ZZZ3: variants seen among roughly 807,000 people sequenced by gnomAD.
ZZZ3 encodes the protein zinc finger ZZ-type containing 3.
In ZZZ3, 22 loss-of-function variants were observed where a neutral mutation model predicts 95.2. That is an observed-to-expected ratio of 0.23 (90% CI 0.17 to 0.33). The LOEUF (loss-of-function observed/expected upper bound fraction) is 0.33. Ranked by LOEUF, ZZZ3 falls within the 10% of genes least tolerant of loss-of-function variation. The pLI, the probability that ZZZ3 is intolerant of heterozygous loss-of-function variation, is 1.00. For missense variants in ZZZ3, 885 were observed against 1,066.5 expected (o/e 0.83, Z 2.37); for synonymous variants, 335 against 358.9 (o/e 0.93, Z 0.75).
chr1:77,627,797 G>A (rs1372639898), intron 5 of ZZZ3, among the ~76,000 whole-genome samples: 1 of 152,146 alleles, frequency 6.6e-6, no homozygotes, highest in Non-Finnish European at 1.5e-5. Context: ...GTTAATCTTT[G>A]TAAGAGCTCA....
At chr1:77,654,185 C>CA (rs749067016) in intron 1 of ZZZ3, among the ~76,000 whole-genome samples, 2,089 of 64,850 alleles carry the variant, frequency 0.032, 66 homozygotes, top group East Asian at 0.12. Context: ...GACTCCATCT[C>CA]AAAAAAAAAA....
chr1:77,564,410 G>A lies in ZZZ3; in HGVS notation c.*1230C>T, dbSNP rs1293068026. The A allele has an allele frequency of 6.6e-6, 1 of 151,868 alleles. No homozygotes were observed. Among genetic ancestry groups the A allele is most frequent in the East Asian group, 1.9e-4 (1 of 5,178 alleles). 9.4% of individuals were successfully genotyped at this position (151,868 alleles called of 1,614,324 possible). On this transcript the variant is annotated 3_prime_UTR_variant, in exon 15 of 15. Transcript: ENST00000370801. ...GAAAGAAAACTCTTAAATATGTGAA[G>A]CAAACCATTTTAAAAAATACCAATT...
chr1:77,647,523 A>AG (rs1391616170), intron 1 of ZZZ3, among the ~76,000 whole-genome samples: 11 of 151,374 alleles, frequency 7.3e-5, no homozygotes, highest in Non-Finnish European at 1.3e-4. Context: ...TGTCTCAGGA[A>AG]GGAAAAAAAA....
At chr1:77,616,449 C>T (rs1487060003) in intron 5 of ZZZ3, among the ~76,000 whole-genome samples, 2 of 152,194 alleles carry the variant, frequency 1.3e-5, no homozygotes, top group Non-Finnish European at 2.9e-5. Context: ...GAGAATCTGG[C>T]ACTGTGTTTA....
chr1:77,589,412 TTTTATTTATTTATTTATTTA>T (rs71244406), intron 5 of ZZZ3, among the ~76,000 whole-genome samples: 7 of 144,470 alleles, frequency 4.8e-5, no homozygotes, highest in Non-Finnish European at 9.1e-5. Flanking sequence ...TGGAGGTTGA[TTTTATTTATTTATTTATTTA>T]TTTATTTATT....
At chr1:77,590,335 T>C (rs998984586) in intron 5 of ZZZ3, among the ~76,000 whole-genome samples, 1 of 152,120 alleles carries the variant, frequency 6.6e-6, no homozygotes, top group African/African-American at 2.4e-5. Context: ...GATCATGCCA[T>C]TGCTTACTCC....
intron 1 of ZZZ3, among the ~76,000 whole-genome samples, chr1:77,643,037 C>T (rs1668926524): frequency 6.6e-6 from 1 of 151,674 alleles, no homozygotes; most frequent in African/African-American, 2.4e-5. Context: ...CAAAGTGAGG[C>T]CTCATCTGTA....
chr1:77,565,913 C>G (rs1660774796), intron 14 of ZZZ3, 129 bp from the exon 15 acceptor site: 3 of 1,175,324 alleles, frequency 2.6e-6, no homozygotes, highest in Non-Finnish European at 3.5e-6. Flanking sequence ...CGGAAAGTTA[C>G]TTGACATGTG....
intron 3 of ZZZ3, 73 bp from the exon 4 acceptor site, chr1:77,639,675 A>T (rs567969940): frequency 2.6e-6 from 1 of 379,984 alleles, no homozygotes; most frequent in East Asian, 3.8e-5. Flanking sequence ...TACTCCTTCT[A>T]TAATAAGAAG....
At chr1:77,651,723 A>T (rs1412447225) in intron 1 of ZZZ3, among the ~76,000 whole-genome samples, 5 of 152,192 alleles carry the variant, frequency 3.3e-5, no homozygotes, top group Non-Finnish European at 1.5e-5. Context: ...ACCTTTAAAA[A>T]TGGTTAAAAT....
chr1:77,633,519 C>T, intron 4 of ZZZ3, 114 bp from the exon 5 acceptor site: 2 of 597,082 alleles, frequency 3.3e-6, no homozygotes, highest in Non-Finnish European at 2.7e-6. Flanking sequence ...CAGTCTATAA[C>T]TATCTATATA....
rs539059372 is a variant in ZZZ3, at chr1:77,565,376, T to C, written c.*264A>G. 2.1e-4 allele frequency: 77 copies of C among 360,512 alleles called. 1 individual carries two copies. In the South Asian group the frequency reaches 5.4e-3, roughly 25 times the overall value. The allele number at this position is 360,512 out of a possible 1,614,324, so 22.3% of individuals were successfully genotyped here. On this transcript the variant is annotated 3_prime_UTR_variant, in exon 15 of 15. Coordinates refer to ENST00000370801, the MANE Select transcript of ZZZ3 (RefSeq NM_015534.6). ...CTTTAATGTGTGCTCTCGTTCCATC[T>C]CACCCATTTAAGATCACCACCTAAA...
At chr1:77,573,937 T>TA (rs1157402724) in intron 12 of ZZZ3, among the ~76,000 whole-genome samples, 1 of 151,472 alleles carries the variant, frequency 6.6e-6, no homozygotes, top group Non-Finnish European at 1.5e-5. Context: ...TAGTAAATAA[T>TA]AAAAAATATT....
chr1:77,608,046 T>G (rs1186127128), intron 5 of ZZZ3, among the ~76,000 whole-genome samples: 2 of 151,764 alleles, frequency 1.3e-5, no homozygotes, highest in African/African-American at 2.4e-5. Context: ...AATCTAAGAG[T>G]TATTAGCCTT....
At chr1:77,567,675 G>A (rs1660958336) in intron 13 of ZZZ3, among the ~76,000 whole-genome samples, 1 of 152,182 alleles carries the variant, frequency 6.6e-6, no homozygotes, top group Non-Finnish European at 1.5e-5. Flanking sequence ...GTAAGGGCAA[G>A]AACTGAGTCT....
Position 77,632,242 on chromosome 1 carries a change from A to C in ZZZ3, c.1113T>G (p.Pro371=). The change falls in exon 5 of 15, where the codon CCT becomes CCG. Residue 371 remains proline (P), a synonymous_variant. Coordinates refer to ENST00000370801, the MANE Select transcript of ZZZ3 (RefSeq NM_015534.6). ...VSAQMMSLSE[P]QEHRYTLRTS... is the part of the protein sequence containing the mutation. The stretch of plus-strand genomic sequence containing the variant: ...TTCTCAGAGTATAACGATGTTCTTG[A>C]GGTTCTGATAAAGACATCATTTGAG... The C allele has an allele frequency of 6.2e-7, 1 of 1,613,972 alleles. No individual in the cohort carries two copies. The highest frequency in any genetic ancestry group is 8.5e-7 in the Non-Finnish European group (1 of 1,180,004).
intron 5 of ZZZ3, among the ~76,000 whole-genome samples, chr1:77,603,561 T>TA (rs1570476673): frequency 6.6e-6 from 1 of 152,248 alleles, no homozygotes; most frequent in East Asian, 1.9e-4. Context: ...CAAAGCGGTG[T>TA]AAGGACTAGA....
In ZZZ3 at chr1:77,566,074, CACTT is replaced by C; in HGVS notation, c.2567+3_2567+6del. ...AGTTGAAGACTGACAATGAAGAAAA[CACTT>C]ACCAGTCTGAACAAGAATCACAGAA... On this transcript the variant is annotated splice_donor_5th_base_variant and intron_variant, in intron 14 of 14. Coordinates refer to ENST00000370801, the MANE Select transcript of ZZZ3 (RefSeq NM_015534.6). 1 of 1,605,000 alleles carries C rather than the reference CACTT, an allele frequency of 6.2e-7. No individual in the cohort carries two copies.
intron 6 of ZZZ3, 50 bp from the exon 7 acceptor site, chr1:77,582,176 T>A: frequency 6.5e-7 from 1 of 1,530,458 alleles, no homozygotes; most frequent in Non-Finnish European, 8.8e-7. Context: ...TAAATTTAAT[T>A]AAAGAAATAA....
Sources: gnomAD v4.1 joint callset for allele counts (sites outside exome capture counted in the v4.1 genomes callset) on GRCh38, gnomAD v4.1.1 for gene constraint, MANE v1.5 for transcripts, NCBI Gene and HGNC (gene_info 2026-07-23, HGNC 2026-07-21) for gene names.